FGGY: variants seen among roughly 807,000 people sequenced by gnomAD.
FGGY encodes the protein FGGY carbohydrate kinase domain containing.
A neutral mutation model predicts 71.3 loss-of-function variants in FGGY; 72 were observed. The observed-to-expected ratio is 1.01, with a 90% confidence interval of 0.84 to 1.23. The LOEUF is 1.23. Ranked by LOEUF, FGGY falls within the 50% of genes most tolerant of loss-of-function variation. The pLI is 0.00. For missense variants in FGGY, 668 were observed against 682.3 expected (o/e 0.98, Z 0.23); for synonymous variants, 251 against 250.3 (o/e 1.00, Z -0.02).
intron 8 of FGGY, among the ~76,000 whole-genome samples, chr1:59,588,145 A>C (rs1490474292): frequency 1.3e-5 from 2 of 152,240 alleles, no homozygotes; most frequent in Non-Finnish European, 2.9e-5. Context: ...TACGTGAAGA[A>C]TGCAGAAGCC....
intron 5 of FGGY, among the ~76,000 whole-genome samples, chr1:59,397,479 A>G (rs778106164): frequency 6.6e-6 from 1 of 152,258 alleles, no homozygotes; most frequent in Non-Finnish European, 1.5e-5. Context: ...TCCACAGACT[A>G]GAATACAAAC....
chr1:59,741,735 G>A (rs2098150069), intron 14 of FGGY, among the ~76,000 whole-genome samples: 1 of 152,038 alleles, frequency 6.6e-6, no homozygotes, highest in Admixed American at 6.5e-5. Context: ...AGGAGATCAA[G>A]ACCGTCCTGG....
intron 5 of FGGY, among the ~76,000 whole-genome samples, chr1:59,415,468 C>T (rs188888396): frequency 8.0e-4 from 122 of 152,300 alleles, no homozygotes; most frequent in African/African-American, 2.9e-3. Flanking sequence ...ATTGCCTTCT[C>T]TGGGTTACTG....
At chr1:59,586,841 G>A (rs1346292262) in intron 8 of FGGY, among the ~76,000 whole-genome samples, 10 of 152,174 alleles carry the variant, frequency 6.6e-5, no homozygotes, top group Non-Finnish European at 1.0e-4. Context: ...GAACAGCTCT[G>A]GTCTACAGCT....
intron 11 of FGGY, among the ~76,000 whole-genome samples, chr1:59,654,827 C>T (rs529266066): frequency 3.2e-4 from 49 of 152,200 alleles, no homozygotes; most frequent in African/African-American, 1.1e-3. Flanking sequence ...AGAGAGGTGC[C>T]GTAGTTTAGA....
intron 14 of FGGY, among the ~76,000 whole-genome samples, chr1:59,678,003 T>G (rs887549638): frequency 1.3e-5 from 2 of 152,214 alleles, no homozygotes; most frequent in African/African-American, 2.4e-5. Context: ...TGACTAATAC[T>G]ATCTTAAAGA....
At chr1:59,338,839 T>G (rs528802870) in intron 2 of FGGY, among the ~76,000 whole-genome samples, 1 of 152,358 alleles carries the variant, frequency 6.6e-6, no homozygotes, top group South Asian at 2.1e-4. Context: ...ATTTTTAATT[T>G]TAATAAATGT....
At chr1:59,427,849 C>T (rs912801319) in intron 5 of FGGY, among the ~76,000 whole-genome samples, 1 of 152,136 alleles carries the variant, frequency 6.6e-6, no homozygotes, top group Admixed American at 6.5e-5. Context: ...CCAGGGTTGT[C>T]ACTTACTAGA....
chr1:59,707,733 GC>G (rs2097766574), intron 14 of FGGY, among the ~76,000 whole-genome samples: 1 of 152,140 alleles, frequency 6.6e-6, no homozygotes, highest in Non-Finnish European at 1.5e-5. Flanking sequence ...TTCAAATGAA[GC>G]CCCCTTGGAT....
Position 59,668,710 on chromosome 1 carries a change from C to T in FGGY, c.1417+1307C>T, listed in dbSNP as rs537714589. ...AGAAAAGCATACAGTCAGCCGGGCA[C>T]GGTGGCTCACGCCTGTGATCCCCAC... On this transcript the variant is annotated intron_variant, in intron 13 of 15. Transcript: ENST00000303721. 9.2e-5 allele frequency among the ~76,000 whole-genome samples: 14 copies of T among 152,188 alleles called. No homozygotes were observed. In the East Asian group the frequency reaches 1.2e-3, roughly 13 times the overall value.
intron 4 of FGGY, among the ~76,000 whole-genome samples, chr1:59,359,389 G>C (rs1185605864): frequency 6.6e-6 from 1 of 152,174 alleles, no homozygotes; most frequent in Admixed American, 6.5e-5. Context: ...AATCATACTT[G>C]AGACTGGGTG....
intron 6 of FGGY, among the ~76,000 whole-genome samples, chr1:59,472,820 G>C (rs186683320): frequency 3.3e-5 from 5 of 151,706 alleles, no homozygotes; most frequent in Admixed American, 6.6e-5. Flanking sequence ...TACACCAATC[G>C]GCTCTCTGTA....
At chr1:59,313,957 ATTT>A (rs574411845) in intron 1 of FGGY, among the ~76,000 whole-genome samples, 1 of 149,692 alleles carries the variant, frequency 6.7e-6, no homozygotes, top group Admixed American at 6.7e-5. Context: ...ACCTACGGAA[ATTT>A]TTTTTTTCTT....
intron 8 of FGGY, among the ~76,000 whole-genome samples, chr1:59,562,546 A>C (rs776388480): frequency 6.6e-6 from 1 of 152,196 alleles, no homozygotes; most frequent in Non-Finnish European, 1.5e-5. Context: ...ATCCCTGCCC[A>C]GCTTTTATAG....
chr1:59,412,485 G>C (rs1456264287), intron 5 of FGGY, among the ~76,000 whole-genome samples: 2 of 151,832 alleles, frequency 1.3e-5, no homozygotes, highest in African/African-American at 4.8e-5. Flanking sequence ...TTGTCTATCA[G>C]TCCTCTCCTT....
At chr1:59,681,764 G>T (rs1390670816) in intron 14 of FGGY, among the ~76,000 whole-genome samples, 1 of 150,682 alleles carries the variant, frequency 6.6e-6, no homozygotes, top group Non-Finnish European at 1.5e-5. Context: ...TCTGTGATGG[G>T]GAAAATTGCC....
intron 2 of FGGY, among the ~76,000 whole-genome samples, chr1:59,337,461 C>G (rs1337341335): frequency 6.6e-6 from 1 of 152,126 alleles, no homozygotes; most frequent in East Asian, 1.9e-4. Context: ...GGCTCTTCCT[C>G]TCCCAGTCCA....
intron 3 of FGGY, among the ~76,000 whole-genome samples, chr1:59,340,902 A>C (rs752206458): frequency 5.3e-5 from 8 of 152,210 alleles, no homozygotes; most frequent in Non-Finnish European, 1.2e-4. Context: ...TGGAGGCTGC[A>C]TTGCACTGGA....
intron 1 of FGGY, among the ~76,000 whole-genome samples, chr1:59,303,394 G>A (rs1183042575): frequency 1.3e-5 from 2 of 152,074 alleles, no homozygotes; most frequent in African/African-American, 4.8e-5. Flanking sequence ...TCAATAGGAT[G>A]TTGTACTCTT....
Sources: allele counts gnomAD v4.1 joint callset (sites outside exome capture counted in the v4.1 genomes callset), GRCh38; gene constraint gnomAD v4.1.1; transcripts MANE v1.5; gene names NCBI Gene and HGNC (gene_info 2026-07-23, HGNC 2026-07-21).